SSB: variants seen among roughly 807,000 people sequenced by gnomAD.
SSB encodes the protein lupus La protein.
SSB carries 17 observed loss-of-function variants against 52.9 expected under a neutral mutation model. That is an observed-to-expected ratio of 0.32 (90% CI 0.22 to 0.48). The LOEUF (loss-of-function observed/expected upper bound fraction) is 0.48, where lower values mean the gene tolerates loss of function less well. Ranked by LOEUF, SSB falls within the 20% of genes least tolerant of loss-of-function variation. The pLI is 0.99. For missense variants in SSB, 314 were observed against 463.6 expected (o/e 0.68, Z 2.96); for synonymous variants, 111 against 152.1 (o/e 0.73, Z 1.99).
rs1242625755 is a variant in SSB, at chr2:169,812,050, T to C, written c.*294T>C. The stretch of plus-strand genomic sequence containing the variant: ...ACTAACTAATAAAATATATACTATA[T>C]GAAAAGAGCAAAAACAGTTTTTGAT... On this transcript the variant is annotated 3_prime_UTR_variant, in exon 12 of 12. Coordinates refer to ENST00000260956, the MANE Select transcript of SSB (RefSeq NM_003142.5). The C allele has an allele frequency of 1.5e-5, 10 of 675,460 alleles. No homozygotes were observed. The South Asian group carries it at 2.0e-4, about 13-fold the overall frequency. 41.8% of individuals were successfully genotyped at this position (675,460 alleles called of 1,614,324 possible). A position where few individuals can be genotyped will look rare whatever the true frequency, so the allele number is the denominator to read the frequency against.
At chr2:169,810,757 C>T (rs1558973241) in intron 9 of SSB, 101 bp from the exon 10 acceptor site, 1 of 1,146,578 alleles carries the variant, frequency 8.7e-7, no homozygotes, top group Non-Finnish European at 1.2e-6. Context: ...CTGGTAAAGA[C>T]ATGGAAGGTT....
intron 6 of SSB, among the ~76,000 whole-genome samples, chr2:169,807,869 AG>A (rs1333177593): frequency 2.0e-5 from 3 of 149,686 alleles, no homozygotes; most frequent in Non-Finnish European, 4.4e-5. Context: ...AATTAGGTGT[AG>A]GGCCATAGTT....
chr2:169,805,987 T>A (rs745961252), intron 4 of SSB, 148 bp downstream of exon 4: 22 of 892,788 alleles, frequency 2.5e-5, no homozygotes, highest in African/African-American at 2.3e-4. Flanking sequence ...TTTTGTTTTG[T>A]TTTGAGACAG....
chr2:169,805,825 A>T lies in SSB; in HGVS notation c.331A>T (p.Arg111Ter). The change falls in exon 4 of 12, where the codon AGA (arginine) becomes TGA (stop). Residue 111 changes from arginine to a stop codon, truncating the protein, a stop_gained. Transcript: ENST00000260956. LOFTEE classifies it high-confidence loss of function. ...TGAGTATAAAAATGATGTAAAAAAC[A>T]GATCTGTTTATATTGTAAGTGGGCC... ...TDEYKNDVKN[R>*]SVYIKGFPTD... The T allele has an allele frequency of 8.7e-6, 14 of 1,613,482 alleles. No individual in the cohort carries two copies. The highest frequency in any genetic ancestry group is 1.2e-5 in the Non-Finnish European group (14 of 1,179,806).
At chr2:169,808,008 A>G (rs927789701) in intron 6 of SSB, among the ~76,000 whole-genome samples, 2 of 152,132 alleles carry the variant, frequency 1.3e-5, no homozygotes, top group African/African-American at 4.8e-5. Context: ...CATGATTTTC[A>G]TATGTTATTG....
rs553998474 is a variant in SSB, at chr2:169,802,134, T to C, written c.66+1108T>C. Among the ~76,000 whole-genome samples, 13 of 152,162 alleles carry C rather than the reference T, an allele frequency of 8.5e-5. No homozygotes were observed. In the East Asian group the frequency reaches 2.5e-3, roughly 29 times the overall value. On this transcript the variant is annotated intron_variant, in intron 2 of 11. Coordinates refer to ENST00000260956, the MANE Select transcript of SSB (RefSeq NM_003142.5). ...CAGAAGGTAGAGGCTGCAGTGGCTG[T>C]GATCATACCACTGCACTCCAGCCTG...
intron 2 of SSB, among the ~76,000 whole-genome samples, chr2:169,802,627 G>A (rs936684752): frequency 5.3e-5 from 8 of 152,106 alleles, no homozygotes; most frequent in African/African-American, 1.7e-4. Flanking sequence ...AGGTTATCAA[G>A]GTTAAAAGCT....
At chr2:169,806,029 G>A in intron 4 of SSB, 190 bp downstream of exon 4, 1 of 663,696 alleles carries the variant, frequency 1.5e-6, no homozygotes, top group Non-Finnish European at 2.7e-6. Context: ...GGAGTGCAGT[G>A]GTGTGATCAT....
At chr2:169,801,819 C>T (rs1187817979) in intron 2 of SSB, among the ~76,000 whole-genome samples, 2 of 152,162 alleles carry the variant, frequency 1.3e-5, no homozygotes, top group African/African-American at 4.8e-5. Flanking sequence ...CAGGTGTGAG[C>T]CACTGTGCCC....
intron 6 of SSB, among the ~76,000 whole-genome samples, chr2:169,807,760 T>TTTTTTTA (rs1553482596): frequency 4.5e-5 from 6 of 132,478 alleles, no homozygotes; most frequent in African/African-American, 8.2e-5. Context: ...TTTTTTTTTT[T>TTTTTTTA]ACAGTACAAA....
At chr2:169,807,772 G>T (rs1159057216) in intron 6 of SSB, among the ~76,000 whole-genome samples, 2 of 93,844 alleles carry the variant, frequency 2.1e-5, no homozygotes, top group Admixed American at 1.5e-4. Context: ...CAGTACAAAG[G>T]ATTTGAGATT....
At chr2:169,799,934 G>A (rs993371081) in intron 1 of SSB, among the ~76,000 whole-genome samples, 1 of 152,208 alleles carries the variant, frequency 6.6e-6, no homozygotes, top group Admixed American at 6.5e-5. Context: ...AGTCCTGGAG[G>A]CAAGTACTTT....
In SSB at chr2:169,805,518, G is replaced by A. The variant is rs1229995845; in HGVS notation, c.111G>A (p.Lys37=). The part of the protein sequence containing the change: ...DFNLPRDKFL[K]EQIKLDEGWV... ...ATTTGCCACGGGACAAGTTTCTAAA[G>A]GAACAGATAAAACTGGATGAAGGCT... The change falls in exon 3 of 12, where the codon AAG becomes AAA. Residue 37 remains lysine (K), a synonymous_variant. Coordinates refer to ENST00000260956, the MANE Select transcript of SSB (RefSeq NM_003142.5). 1 of 1,613,712 alleles carries A rather than the reference G, an allele frequency of 6.2e-7. No individual in the cohort carries two copies. Among genetic ancestry groups the A allele is most frequent in the East Asian group, 2.2e-5 (1 of 44,866 alleles).
At chr2:169,811,157 C>T in intron 10 of SSB, 26 bp from the exon 11 acceptor site, 1 of 1,598,466 alleles carries the variant, frequency 6.3e-7, no homozygotes, top group South Asian at 1.2e-5. Flanking sequence ...AAGTTCTTTA[C>T]AGAGTGCTCA....
At chr2:169,810,073 C>A in intron 8 of SSB, 2 of 304,106 alleles carry the variant, frequency 6.6e-6, no homozygotes, top group Non-Finnish European at 1.2e-5. Flanking sequence ...CAAAGGAAAA[C>A]ACCAACACTA....
At chr2:169,809,237 C>G (rs1029237735) in intron 8 of SSB, among the ~76,000 whole-genome samples, 10 of 152,070 alleles carry the variant, frequency 6.6e-5, no homozygotes, top group African/African-American at 2.4e-4. Flanking sequence ...AAAAATTAGC[C>G]AGGCGTGGTG....
chr2:169,810,270 T>C lies in SSB; in HGVS notation c.670-13T>C. On this transcript the variant is annotated splice_polypyrimidine_tract_variant and intron_variant, in intron 8 of 11. Coordinates refer to ENST00000260956, the MANE Select transcript of SSB (RefSeq NM_003142.5). ...TTTAAGAAACTTTTTGATCACTTTG[T>C]ATATTTTTATAGAAATCTCTAGAAG... The C allele has an allele frequency of 6.3e-7, 1 of 1,592,762 alleles. No homozygotes were observed. The highest frequency in any genetic ancestry group is 1.2e-5 in the South Asian group (1 of 86,524).
At chr2:169,810,771 A>G (rs1217814783) in intron 9 of SSB, 87 bp from the exon 10 acceptor site, 1 of 1,295,858 alleles carries the variant, frequency 7.7e-7, no homozygotes, top group Non-Finnish European at 1.1e-6. Context: ...GAAGGTTTGC[A>G]GGGTAGAAAA....
rs1336518068 is a variant in SSB, at chr2:169,808,901, T to C, written c.668T>C (p.Met223Thr). The C allele has an allele frequency of 1.9e-6, 3 of 1,598,824 alleles. No homozygotes were observed. The highest frequency in any genetic ancestry group is 2.6e-6 in the Non-Finnish European group (3 of 1,166,652). Reference sequence around the variant, plus strand: ...CAAAAGTTAGAAGAAGATGCTGAAATGGTAAGTATATATTACTGCTATCTA... The same window carrying C: ...CAAAAGTTAGAAGAAGATGCTGAAACGGTAAGTATATATTACTGCTATCTA... ...AKQKLEEDAE[M>T]KSLEEKIGCL... Residue 223 changes from methionine (M) to threonine (T), a missense_variant and splice_region_variant, in exon 8 of 12, where the codon ATG (methionine) becomes ACG (threonine). Physicochemically the swap from Met to Thr is moderately conservative, Grantham distance 81. Coordinates refer to ENST00000260956, the MANE Select transcript of SSB (RefSeq NM_003142.5).
Sources: gnomAD v4.1 joint callset for allele counts (sites outside exome capture counted in the v4.1 genomes callset) on GRCh38, gnomAD v4.1.1 for gene constraint, MANE v1.5 for transcripts, NCBI Gene and HGNC (gene_info 2026-07-23, HGNC 2026-07-21) for gene names.